The following TENM2 variants were observed in gnomAD, a reference collection of about 807,000 sequenced individuals.
TENM2 encodes teneurin transmembrane protein 2.
Under a neutral mutation model 245.2 loss-of-function variants are expected in TENM2, and 52 were observed. The observed-to-expected ratio is 0.21, with a 90% CI of 0.17 to 0.27. The LOEUF is 0.27. TENM2 is among the 10% of genes least tolerant of loss of function. The pLI is 1.00. For synonymous variants in TENM2, 1,363 were observed against 1,438.9 expected (o/e 0.95, Z 1.19); for missense variants, 3,046 against 3,666.8 (o/e 0.83, Z 4.37).
At chr5:167,190,307 G>A in the TENM2 span, among the ~76,000 whole-genome samples, 12 of 152,210 alleles carry the variant, frequency 7.9e-5, no homozygotes, top group African/African-American at 2.6e-4. Flanking sequence ...TTCAGAACAG[G>A]ACCAGGGTTG....
chr5:167,808,123 C>T (rs1431975483), intron 2 of TENM2, among the ~76,000 whole-genome samples: 2 of 152,158 alleles, frequency 1.3e-5, no homozygotes, highest in South Asian at 2.1e-4. Context: ...GTTCAAACCA[C>T]GGCTTTTACC....
chr5:167,887,367 A>G (rs1228985763), intron 3 of TENM2, among the ~76,000 whole-genome samples: 1 of 152,224 alleles, frequency 6.6e-6, no homozygotes, highest in Non-Finnish European at 1.5e-5. Context: ...TTATTGATCT[A>G]CCTTAAGAAG....
chr5:167,895,754 A>G (rs965095606), intron 3 of TENM2, among the ~76,000 whole-genome samples: 2 of 152,210 alleles, frequency 1.3e-5, no homozygotes, highest in African/African-American at 2.4e-5. Context: ...TTTGAGAACC[A>G]TTGACTTAAA....
intron 2 of TENM2, among the ~76,000 whole-genome samples, chr5:167,389,555 C>A (rs1004100777): frequency 6.6e-6 from 1 of 152,018 alleles, no homozygotes; most frequent in South Asian, 2.1e-4. Context: ...CCTCAATTTC[C>A]TTTCATTGTA....
chr5:167,712,128 C>CG (rs143209240), intron 2 of TENM2, among the ~76,000 whole-genome samples: 11,453 of 152,146 alleles, frequency 0.075, 502 homozygotes, highest in African/African-American at 0.12. Context: ...CCAATCAACT[C>CG]GATCTTAATT....
rs758151459 is a variant in TENM2 at position 167,537,268 on chromosome 5, A to G, written c.502+161795A>G. 2.0e-3 allele frequency among the ~76,000 whole-genome samples: 303 copies of G among 150,612 alleles called. 2 individuals carry two copies. The highest frequency in any genetic ancestry group is 3.6e-3 in the Admixed American group (54 of 15,148). On this transcript the variant is annotated intron_variant, in intron 2 of 28. Coordinates refer to ENST00000518659, the Ensembl canonical transcript of TENM2. ...TCTCTACCAAAAAAAAAAAAAAAAA[A>G]GCCAGTTGGTTTTTTCAGCTAGATT... is the stretch of plus-strand genomic sequence containing the variant.
At chr5:167,560,597 C>T (rs1337912225) in intron 2 of TENM2, among the ~76,000 whole-genome samples, 1 of 152,162 alleles carries the variant, frequency 6.6e-6, no homozygotes, top group African/African-American at 2.4e-5. Context: ...TCCTCTAAGC[C>T]TCAGTTGCCA....
At chr5:167,446,714 G>T (rs1210225682) in intron 2 of TENM2, among the ~76,000 whole-genome samples, 1 of 149,682 alleles carries the variant, frequency 6.7e-6, no homozygotes, top group East Asian at 2.0e-4. Flanking sequence ...GGGGGGATTT[G>T]TACCCATGTG....
At chr5:167,547,022 G>A (rs977468511) in intron 2 of TENM2, among the ~76,000 whole-genome samples, 2 of 152,248 alleles carry the variant, frequency 1.3e-5, no homozygotes, top group Non-Finnish European at 1.5e-5. Flanking sequence ...AGTTATTCCA[G>A]TGCGACTTAA....
chr5:167,203,668 C>T, the TENM2 span, among the ~76,000 whole-genome samples: 9 of 152,128 alleles, frequency 5.9e-5, no homozygotes, highest in Non-Finnish European at 1.3e-4. Context: ...ATGGAGCTCT[C>T]TTTGGTTTAA....
At chr5:167,063,876 G>C in the TENM2 span, among the ~76,000 whole-genome samples, 1 of 152,294 alleles carries the variant, frequency 6.6e-6, no homozygotes, top group Non-Finnish European at 1.5e-5. Flanking sequence ...GAAAGCTTTG[G>C]ATAGTTAGGA....
intron 2 of TENM2, among the ~76,000 whole-genome samples, chr5:167,413,617 C>T (rs1763019133): frequency 6.6e-6 from 1 of 152,132 alleles, no homozygotes; most frequent in Non-Finnish European, 1.5e-5. Flanking sequence ...AGCCATCCAT[C>T]CGTTTCCTTC....
the TENM2 span, among the ~76,000 whole-genome samples, chr5:167,057,914 G>A: frequency 6.6e-6 from 1 of 152,114 alleles, no homozygotes; most frequent in South Asian, 2.1e-4. Flanking sequence ...TCCTGCTGGA[G>A]TTTTTAAATC....
chr5:167,843,623 G>A lies in TENM2; in HGVS notation c.503-32363G>A, dbSNP rs370193724. 3.2e-4 allele frequency among the ~76,000 whole-genome samples: 49 copies of A among 152,246 alleles called. 1 individual carries two copies. In the East Asian group the frequency reaches 8.3e-3, roughly 26 times the overall value. ...AACAAATAGAGCCTGATTTATTCAG[G>A]AAAATAGAGATTATAGATGGTTTGC... is the stretch of plus-strand genomic sequence containing the variant. On this transcript the variant is annotated intron_variant, in intron 2 of 28. Transcript: ENST00000518659.
At chr5:167,784,328 T>G (rs1351410376) in intron 2 of TENM2, among the ~76,000 whole-genome samples, 1 of 152,210 alleles carries the variant, frequency 6.6e-6, no homozygotes, top group Non-Finnish European at 1.5e-5. Context: ...ACAATGTGTG[T>G]GAATATGATT....
intron 2 of TENM2, among the ~76,000 whole-genome samples, chr5:167,441,875 C>T (rs1764898873): frequency 6.6e-6 from 1 of 152,190 alleles, no homozygotes; most frequent in African/African-American, 2.4e-5. Context: ...AGAAGGGTCA[C>T]AGCTGGAGCA....
chr5:167,801,728 A>C (rs1358213071), intron 2 of TENM2, among the ~76,000 whole-genome samples: 1 of 152,154 alleles, frequency 6.6e-6, no homozygotes, highest in Non-Finnish European at 1.5e-5. Flanking sequence ...ATGCAGGCTC[A>C]TATTTGATTT....
the TENM2 span, among the ~76,000 whole-genome samples, chr5:167,258,203 A>ATATATATG: frequency 5.6e-5 from 8 of 141,910 alleles, no homozygotes; most frequent in African/African-American, 2.2e-4. Context: ...GTTGCCATAT[A>ATATATATG]TATATATATA....
At chr5:167,451,649 A>ATT (rs35346886) in intron 2 of TENM2, among the ~76,000 whole-genome samples, 1 of 145,586 alleles carries the variant, frequency 6.9e-6, no homozygotes. Context: ...ATAGCAACTG[A>ATT]TTTTTTTTTT....
Sources: allele counts gnomAD v4.1 joint callset (sites outside exome capture counted in the v4.1 genomes callset), GRCh38; gene constraint gnomAD v4.1.1; transcripts MANE v1.5; gene names NCBI Gene and HGNC (gene_info 2026-07-23, HGNC 2026-07-21).